Variants in MYO5B observed in about 807,000 individuals in gnomAD.
MYO5B encodes unconventional myosin-Vb.
Under a neutral mutation model 229.3 loss-of-function variants are expected in MYO5B, and 143 were observed. That is an observed-to-expected ratio of 0.62 (90% CI 0.54 to 0.72). MYO5B has a LOEUF of 0.72. MYO5B is among the 30% of genes least tolerant of loss of function. MYO5B has a pLI of 0.00. For synonymous variants in MYO5B, 918 were observed against 885.2 expected, an observed-to-expected ratio of 1.04 and a Z score of -0.66; for missense variants, 2,321 against 2,331.0, an observed-to-expected ratio of 1.00 and a Z score of 0.09.
chr18:49,886,819 C>T (rs1787606), intron 22 of MYO5B, among the ~76,000 whole-genome samples: 88,191 of 151,766 alleles, frequency 0.58, 25,778 homozygotes, highest in Middle Eastern at 0.67. Context: ...CTAGTTCTGG[C>T]CCCTAGTATG....
intron 18 of MYO5B, among the ~76,000 whole-genome samples, chr18:49,908,249 C>A (rs192349824): frequency 6.6e-6 from 1 of 152,202 alleles, no homozygotes; most frequent in Non-Finnish European, 1.5e-5. Context: ...CACCCATCAG[C>A]CTCATCTCCA....
chr18:50,058,779 C>G (rs2030615675), intron 1 of MYO5B, among the ~76,000 whole-genome samples: 1 of 152,112 alleles, frequency 6.6e-6, no homozygotes, highest in Non-Finnish European at 1.5e-5. Flanking sequence ...CCACTGCACT[C>G]CAGCCTGGGT....
rs533652857 is a variant in MYO5B, at chr18:49,881,131, T to C, written c.3046-676A>G. On this transcript the variant is annotated intron_variant, in intron 22 of 39. Coordinates refer to ENST00000285039, the MANE Select transcript of MYO5B (RefSeq NM_001080467.3). ...CAAATATACTCTTTTGTCTTTGTCT[T>C]TATTCCCACATTCATCCCCTTTTGT... Among the ~76,000 whole-genome samples the C allele has an allele frequency of 9.8e-5, 15 of 152,364 alleles. No homozygotes were observed. The South Asian group carries it at 2.9e-3, about 29-fold the overall frequency.
chr18:49,832,088 T>C (rs2023929805), intron 39 of MYO5B, among the ~76,000 whole-genome samples: 1 of 152,150 alleles, frequency 6.6e-6, no homozygotes, highest in East Asian at 1.9e-4. Flanking sequence ...AAATGGGTAG[T>C]GTTTCTGTTT....
At chr18:50,118,162 A>G (rs764660066) in intron 1 of MYO5B, among the ~76,000 whole-genome samples, 1 of 152,120 alleles carries the variant, frequency 6.6e-6, no homozygotes, top group Non-Finnish European at 1.5e-5. Flanking sequence ...GCCCCCAACT[A>G]AACCCTGAGA....
rs3826579 is a variant in MYO5B at position 49,872,179 on chromosome 18, G to A, written c.3591C>T (p.Tyr1197=). 354,827 of 1,613,140 alleles carry A rather than the reference G, an allele frequency of 0.22. 41,433 individuals are homozygous for A. Among genetic ancestry groups the A allele is most frequent in the East Asian group, 0.39 (17,397 of 44,850 alleles). The stretch of plus-strand genomic sequence containing the variant: ...CCAAGAATCTTACCTTCAGACTATT[G>A]TAGGCCAGATCTGCATTCGGGTCCA... ...IDLDPNADLA[Y]NSLKRQELES... is the part of the protein sequence containing the mutation. The change falls in exon 27 of 40, where the codon TAC becomes TAT. Residue 1197 remains tyrosine (Y), a synonymous_variant. Transcript: ENST00000285039.
chr18:50,052,446 A>G (rs2030419745), intron 2 of MYO5B, among the ~76,000 whole-genome samples: 1 of 149,612 alleles, frequency 6.7e-6, no homozygotes, highest in South Asian at 2.2e-4. Flanking sequence ...TCAGTAAACT[A>G]TCACAAGGAC....
chr18:49,957,068 G>A (rs1172238556), intron 12 of MYO5B, among the ~76,000 whole-genome samples: 2 of 140,592 alleles, frequency 1.4e-5, no homozygotes, highest in Non-Finnish European at 3.0e-5. Flanking sequence ...TGTATGGTAT[G>A]TCAATTATAT....
chr18:49,963,445 C>A (rs1473824240), intron 10 of MYO5B, among the ~76,000 whole-genome samples: 3 of 150,360 alleles, frequency 2.0e-5, no homozygotes, highest in African/African-American at 7.4e-5. Context: ...TATTTTGAGA[C>A]ATGGTCTGAC....
At chr18:50,173,092 G>A (rs896593251) in intron 1 of MYO5B, among the ~76,000 whole-genome samples, 2 of 151,998 alleles carry the variant, frequency 1.3e-5, no homozygotes, top group East Asian at 1.9e-4. Context: ...GGCGAACCCC[G>A]TCGCTACTAA....
At chr18:50,025,653 G>T (rs2026323003) in intron 4 of MYO5B, among the ~76,000 whole-genome samples, 1 of 152,152 alleles carries the variant, frequency 6.6e-6, no homozygotes, top group Admixed American at 6.5e-5. Context: ...CTTTAACCCA[G>T]CCTAGACAGA....
Position 49,974,384 on chromosome 18 carries a change from G to C in MYO5B, c.1288C>G (p.Gln430Glu). 1 of 1,614,214 alleles carries C rather than the reference G, an allele frequency of 6.2e-7. No individual in the cohort carries two copies. Among genetic ancestry groups the C allele is most frequent in the Non-Finnish European group, 8.5e-7 (1 of 1,180,024 alleles). The part of the protein sequence containing the change: ...INKALHTSLK[Q>E]HSFIGVLDIY... Reference sequence around the variant, plus strand: ...TCCAGGACCCCGATGAAGGAGTGCTGCTTGAGGGAGGTGTGCAGGGCCTTG... The same window carrying C: ...TCCAGGACCCCGATGAAGGAGTGCTCCTTGAGGGAGGTGTGCAGGGCCTTG... Residue 430 changes from glutamine to glutamate, a missense_variant, in exon 10 of 40, where the codon CAG becomes GAG. Gln to Glu is a conservative substitution (Grantham distance 29, BLOSUM62 2). This residue lies in a region of MYO5B where 2,113 missense variants were observed against 2,044.7 expected (regional missense o/e 1.03). Transcript: ENST00000285039.
chr18:50,033,591 C>T (rs1188287446), intron 4 of MYO5B, among the ~76,000 whole-genome samples: 3 of 151,994 alleles, frequency 2.0e-5, no homozygotes, highest in Admixed American at 6.6e-5. Context: ...TGATGGAGGA[C>T]CTGAGGTTGG....
At position 50,047,963 on chromosome 18, in the gene MYO5B, T is replaced by C. The variant is rs1160269064; in HGVS notation, c.138+7305A>G. On this transcript the variant is annotated intron_variant, in intron 2 of 39. Coordinates refer to ENST00000285039, the MANE Select transcript of MYO5B (RefSeq NM_001080467.3). Reference sequence around the variant, plus strand: ...GTGGGGTGGGGGGAGGGGGGAGGGATAGCATTAGGAGATATACCTAATGTA... The same window carrying C: ...GTGGGGTGGGGGGAGGGGGGAGGGACAGCATTAGGAGATATACCTAATGTA... Among the ~76,000 whole-genome samples the C allele has an allele frequency of 1.4e-3, 199 of 141,230 alleles. 1 individual carries two copies. The highest frequency in any genetic ancestry group is 4.9e-3 in the African/African-American group (193 of 39,082). The allele number at this position is 141,230 out of a possible 152,430, so 92.7% of individuals were successfully genotyped here. A position where few individuals can be genotyped will look rare whatever the true frequency, so the allele number is the denominator to read the frequency against.
Position 49,825,432 on chromosome 18 carries a change from A to T in MYO5B, c.*1039T>A, listed in dbSNP as rs886053866. On this transcript the variant is annotated 3_prime_UTR_variant, in exon 40 of 40. Coordinates refer to ENST00000285039, the MANE Select transcript of MYO5B (RefSeq NM_001080467.3). ...ATTCTCTTAAAAAAAAAAAACCCAA[A>T]CTTTTGTATAATATCCCTGAACTGA... is the stretch of plus-strand genomic sequence containing the variant. 6 of 152,088 alleles carry T rather than the reference A, an allele frequency of 3.9e-5. No homozygotes were observed. Among genetic ancestry groups the T allele is most frequent in the East Asian group, 1.9e-4 (1 of 5,184 alleles). 9.4% of individuals were successfully genotyped at this position (152,088 alleles called of 1,614,324 possible). A position where few individuals can be genotyped will look rare whatever the true frequency, so the allele number is the denominator to read the frequency against.
chr18:50,081,082 C>T (rs940596738), intron 1 of MYO5B, among the ~76,000 whole-genome samples: 1 of 152,146 alleles, frequency 6.6e-6, no homozygotes, highest in Non-Finnish European at 1.5e-5. Flanking sequence ...TCAAACACAC[C>T]TTCCAAGAAA....
intron 1 of MYO5B, among the ~76,000 whole-genome samples, chr18:50,057,770 T>A (rs1370825613): frequency 6.6e-6 from 1 of 152,174 alleles, no homozygotes; most frequent in Non-Finnish European, 1.5e-5. Flanking sequence ...AATGGTACTT[T>A]AGCTCCTTGC....
chr18:49,883,089 G>C (rs748196260), intron 22 of MYO5B, among the ~76,000 whole-genome samples: 2 of 152,228 alleles, frequency 1.3e-5, no homozygotes, highest in Non-Finnish European at 2.9e-5. Context: ...ACTTTATGGT[G>C]AAAGACTGAA....
intron 4 of MYO5B, among the ~76,000 whole-genome samples, chr18:50,002,408 G>A (rs2026057974): frequency 6.6e-6 from 1 of 152,082 alleles, no homozygotes; most frequent in South Asian, 2.1e-4. Flanking sequence ...CACGTAGTAG[G>A]AAGACAGACA....
Sources: allele counts gnomAD v4.1 joint callset (sites outside exome capture counted in the v4.1 genomes callset), GRCh38; gene constraint gnomAD v4.1.1; regional missense constraint gnomAD v4.1.1; transcripts MANE v1.5; gene names NCBI Gene and HGNC (gene_info 2026-07-23, HGNC 2026-07-21).